The following AFF3 variants were observed in gnomAD, a reference collection of about 807,000 sequenced individuals.
AFF3 encodes the protein AF4/FMR2 family member 3.
A neutral mutation model predicts 129.7 loss-of-function variants in AFF3; 32 were observed. That is an observed-to-expected ratio of 0.25 (90% CI 0.19 to 0.33). The LOEUF is 0.33. AFF3 is among the 10% of genes least tolerant of loss of function. AFF3 has a pLI of 1.00. For missense variants in AFF3, 1,373 were observed against 1,592.0 expected (o/e 0.86, Z 2.34); for synonymous variants, 644 against 635.4 (o/e 1.01, Z -0.20).
At chr2:99,885,501 A>T (rs1693046338) in intron 7 of AFF3, among the ~76,000 whole-genome samples, 1 of 152,246 alleles carries the variant, frequency 6.6e-6, no homozygotes, top group Non-Finnish European at 1.5e-5. Context: ...GTAATCATTT[A>T]AAACTTATTT....
At chr2:99,761,442 A>G (rs1271181593) in intron 8 of AFF3, among the ~76,000 whole-genome samples, 1 of 151,086 alleles carries the variant, frequency 6.6e-6, no homozygotes, top group South Asian at 2.1e-4. Context: ...CTGATGGTGC[A>G]TAGACTTTCA....
At chr2:100,100,929 C>T (rs888500278) in intron 4 of AFF3, among the ~76,000 whole-genome samples, 5 of 152,180 alleles carry the variant, frequency 3.3e-5, no homozygotes. Context: ...CACGGAATGC[C>T]CAACTCTTCA....
chr2:99,554,983 T>C (rs1213561620), intron 22 of AFF3, among the ~76,000 whole-genome samples: 1 of 152,186 alleles, frequency 6.6e-6, no homozygotes, highest in East Asian at 1.9e-4. Flanking sequence ...CTCTTGAACA[T>C]TCCTAAGAGA....
At chr2:99,552,183 C>T (rs1047982144) in intron 24 of AFF3, among the ~76,000 whole-genome samples, 13 of 152,100 alleles carry the variant, frequency 8.5e-5, no homozygotes, top group African/African-American at 3.1e-4. Flanking sequence ...GTCAGGAGAT[C>T]GCGACCAGTC....
intron 8 of AFF3, among the ~76,000 whole-genome samples, chr2:99,771,159 C>G (rs2105325371): frequency 6.6e-6 from 1 of 152,230 alleles, no homozygotes; most frequent in African/African-American, 2.4e-5. Flanking sequence ...AATGCAGGAA[C>G]AGAAAACCAA....
chr2:99,837,839 T>A (rs1380291215), intron 7 of AFF3, among the ~76,000 whole-genome samples: 1 of 152,076 alleles, frequency 6.6e-6, no homozygotes, highest in Admixed American at 6.5e-5. Context: ...ATGAGCTCCA[T>A]CCACCTTGGG....
At chr2:99,968,411 A>C (rs1490348729) in intron 7 of AFF3, among the ~76,000 whole-genome samples, 2 of 152,234 alleles carry the variant, frequency 1.3e-5, no homozygotes, top group African/African-American at 4.8e-5. Flanking sequence ...TACAGAGTTA[A>C]GGATGCCTAC....
intron 7 of AFF3, among the ~76,000 whole-genome samples, chr2:99,894,021 G>A (rs368506335): frequency 3.3e-5 from 5 of 152,148 alleles, no homozygotes; most frequent in African/African-American, 1.2e-4. Context: ...TTATGCCAGA[G>A]GTTGCAAATT....
At chr2:99,609,520 A>C (rs1436393542) in intron 13 of AFF3, among the ~76,000 whole-genome samples, 1 of 152,234 alleles carries the variant, frequency 6.6e-6, no homozygotes, top group African/African-American at 2.4e-5. Context: ...TTAGAATAAT[A>C]GTCTCCAGAC....
chr2:99,862,262 G>T (rs1452374423), intron 7 of AFF3, among the ~76,000 whole-genome samples: 2 of 152,020 alleles, frequency 1.3e-5, no homozygotes, highest in Non-Finnish European at 1.5e-5. Flanking sequence ...GAGTTCTCTG[G>T]TTTTGCTGAA....
At chr2:99,625,572 T>C (rs1339653171) in intron 13 of AFF3, among the ~76,000 whole-genome samples, 1 of 152,170 alleles carries the variant, frequency 6.6e-6, no homozygotes, top group Non-Finnish European at 1.5e-5. Flanking sequence ...ATTTCCTGCT[T>C]GAAATTTTGC....
At chr2:99,579,320 G>A (rs530809413) in intron 17 of AFF3, among the ~76,000 whole-genome samples, 152 of 151,646 alleles carry the variant, frequency 1.0e-3, no homozygotes, top group African/African-American at 3.4e-3. Context: ...CAGGAGAATC[G>A]CTTGAAACCT....
At chr2:99,868,817 G>A (rs1245376480) in intron 7 of AFF3, among the ~76,000 whole-genome samples, 2 of 152,126 alleles carry the variant, frequency 1.3e-5, no homozygotes, top group African/African-American at 2.4e-5. Flanking sequence ...TTTAGAGATA[G>A]GGTCTCGCTC....
chr2:100,034,081 G>C (rs148579248), intron 4 of AFF3, among the ~76,000 whole-genome samples: 2 of 152,216 alleles, frequency 1.3e-5, no homozygotes, highest in East Asian at 3.9e-4. Context: ...TCTAAGATTG[G>C]TTATCACTCC....
At chr2:100,002,071 C>T (rs1437069714) in intron 7 of AFF3, among the ~76,000 whole-genome samples, 2 of 152,208 alleles carry the variant, frequency 1.3e-5, no homozygotes, top group African/African-American at 2.4e-5. Context: ...GATGACACCA[C>T]GACAGGTGGG....
chr2:99,860,086 T>C (rs1690861151), intron 7 of AFF3, among the ~76,000 whole-genome samples: 1 of 152,234 alleles, frequency 6.6e-6, no homozygotes, highest in Non-Finnish European at 1.5e-5. Flanking sequence ...CTTGCACTTT[T>C]AACTTTTTAA....
At chr2:100,086,032 C>T (rs1365085886) in intron 4 of AFF3, among the ~76,000 whole-genome samples, 5 of 151,946 alleles carry the variant, frequency 3.3e-5, no homozygotes, top group African/African-American at 1.2e-4. Flanking sequence ...GAACCTCCCA[C>T]AAAGGCATCA....
At chr2:99,931,777 C>T (rs912564031) in intron 7 of AFF3, among the ~76,000 whole-genome samples, 13 of 152,102 alleles carry the variant, frequency 8.5e-5, no homozygotes, top group African/African-American at 2.9e-4. Flanking sequence ...GGCATGGTGG[C>T]GGGTTCCTGT....
intron 4 of AFF3, among the ~76,000 whole-genome samples, chr2:100,010,791 C>T (rs1489562077): frequency 6.6e-6 from 1 of 152,114 alleles, no homozygotes; most frequent in African/African-American, 2.4e-5. Flanking sequence ...GATGGTCCTG[C>T]CCTGCTTGTG....
Sources: gnomAD v4.1 joint callset for allele counts (sites outside exome capture counted in the v4.1 genomes callset) on GRCh38, gnomAD v4.1.1 for gene constraint, MANE v1.5 for transcripts, NCBI Gene and HGNC (gene_info 2026-07-23, HGNC 2026-07-21) for gene names.